The following CCDC112 variants were observed in gnomAD, a reference collection of about 807,000 sequenced individuals.
CCDC112 encodes the protein coiled-coil domain containing 112, also known as coiled-coil domain-containing protein 112.
Under a neutral mutation model 66.3 loss-of-function variants are expected in CCDC112, and 40 were observed. The observed-to-expected ratio is 0.60, with a 90% CI of 0.47 to 0.79. The LOEUF (loss-of-function observed/expected upper bound fraction) is 0.79. Ranked by LOEUF, CCDC112 falls within the 30% of genes least tolerant of loss-of-function variation. The pLI is 0.00. For missense variants in CCDC112, 659 were observed against 603.8 expected, an observed-to-expected ratio of 1.09 and a Z score of -0.96; for synonymous variants, 214 against 197.2, an observed-to-expected ratio of 1.09 and a Z score of -0.71.
At chr5:115,275,736 A>G in intron 5 of CCDC112, 130 bp from the exon 6 acceptor site, 1 of 752,080 alleles carries the variant, frequency 1.3e-6, no homozygotes, top group Non-Finnish European at 2.0e-6. Context: ...TATAAATTTA[A>G]GCCTTAAAAG....
chr5:115,288,271 G>A (rs866100165), intron 1 of CCDC112, among the ~76,000 whole-genome samples: 11 of 152,126 alleles, frequency 7.2e-5, no homozygotes, highest in Middle Eastern at 3.2e-3. Flanking sequence ...GTTAGCCACC[G>A]CACCCAGCCA....
chr5:115,286,812 G>A (rs1346702051), intron 1 of CCDC112, among the ~76,000 whole-genome samples: 2 of 152,030 alleles, frequency 1.3e-5, no homozygotes, highest in African/African-American at 4.8e-5. Flanking sequence ...CACCTCAGGA[G>A]GCTGAGGTGG....
chr5:115,279,737 G>A lies in CCDC112; in HGVS notation c.271C>T (p.His91Tyr), dbSNP rs758298640. 1.3e-6 allele frequency: 2 copies of A among 1,545,254 alleles called. No homozygotes were observed. The highest frequency in any genetic ancestry group is 2.3e-5 in the East Asian group (1 of 44,358). The change falls in exon 3 of 10, where the codon CAT (histidine) becomes TAT (tyrosine). Residue 91 changes from histidine to tyrosine, a missense_variant. Transcript: ENST00000379611. ...AAGTCACTTTTTTGGTTGTAGAAATGACTGTGTTTATCTTTTTCCATGTTA... is the reference window on the plus strand; with the variant it reads ...AAGTCACTTTTTTGGTTGTAGAAATAACTGTGTTTATCTTTTTCCATGTTA... ...VINMEKDKHS[H>Y]FYNQKSDFRI... is the part of the protein sequence containing the mutation.
chr5:115,295,164 A>C (rs1311330820), intron 1 of CCDC112, among the ~76,000 whole-genome samples: 2 of 152,210 alleles, frequency 1.3e-5, no homozygotes, highest in Non-Finnish European at 2.9e-5. Flanking sequence ...GATTGATAAA[A>C]TATCTGAAAG....
chr5:115,269,041 C>G (rs1263876887), intron 8 of CCDC112, 41 bp from the exon 9 acceptor site: 4 of 1,233,510 alleles, frequency 3.2e-6, no homozygotes, highest in Non-Finnish European at 4.6e-6. Context: ...ATTATACAAA[C>G]TCAGTTTGTA....
At chr5:115,269,604 A>C (rs1748913761) in intron 8 of CCDC112, 99 bp downstream of exon 8, 1 of 794,202 alleles carries the variant, frequency 1.3e-6, no homozygotes, top group Non-Finnish European at 2.0e-6. Flanking sequence ...GATGTTATAG[A>C]AATAAGGTGA....
Position 115,269,761 on chromosome 5 carries a change from T to C in CCDC112, c.1370A>G (p.Gln457Arg). The stretch of plus-strand genomic sequence containing the variant: ...TTGTGACTTTTCATCTTCCTTTGCC[T>C]GTCTATCTAGAATTTTCAGTTCAAG... ...HKLELKILDR[Q>R]AKEDEKSQKQ... is the part of the protein sequence containing the mutation. Residue 457 changes from glutamine to arginine, a missense_variant, in exon 8 of 10, where the codon CAG becomes CGG. Gln to Arg is a conservative substitution (Grantham distance 43). Coordinates refer to ENST00000379611, the MANE Select transcript of CCDC112 (RefSeq NM_001040440.3). 8 of 1,597,402 alleles carry C rather than the reference T, an allele frequency of 5.0e-6. No homozygotes were observed. Among genetic ancestry groups the C allele is most frequent in the Non-Finnish European group, 6.8e-6 (8 of 1,174,102 alleles).
At chr5:115,289,124 T>C (rs1749810998) in intron 1 of CCDC112, 1 of 226,906 alleles carries the variant, frequency 4.4e-6, no homozygotes, top group Non-Finnish European at 8.7e-6. Flanking sequence ...TTCTTTAGTT[T>C]ATTGGTTAGC....
At chr5:115,274,878 C>G (rs754933088) in intron 6 of CCDC112, among the ~76,000 whole-genome samples, 4 of 152,154 alleles carry the variant, frequency 2.6e-5, no homozygotes, top group Non-Finnish European at 5.9e-5. Context: ...GTAGCTGGGA[C>G]CACAGGTGCG....
chr5:115,269,817 T>G lies in CCDC112; in HGVS notation c.1333-19A>C. The G allele has an allele frequency of 7.1e-7, 1 of 1,410,128 alleles. No homozygotes were observed. Among genetic ancestry groups the G allele is most frequent in the Non-Finnish European group, 9.6e-7 (1 of 1,040,412 alleles). The allele number at this position is 1,410,128 out of a possible 1,614,324, so 87.4% of individuals were successfully genotyped here. ...GTAAATCCTTAAAAAAAAAAACCCA[T>G]AGCATTAAGAAAGCATGTGAACTAG... On this transcript the variant is annotated intron_variant, in intron 7 of 9. Transcript: ENST00000379611.
Position 115,271,510 on chromosome 5 carries a change from CT to C in CCDC112, c.1034del (p.Lys345SerfsTer23). The C allele has an allele frequency of 1.2e-6, 2 of 1,612,836 alleles. No homozygotes were observed. On this transcript the variant is annotated frameshift_variant, in exon 7 of 10. Transcript: ENST00000379611. LOFTEE classifies it high-confidence loss of function. ...GTTTCTTTCTTTGTTCCTCTTTTTG[CT>C]TTTGATTATCCTCTTGTTTATTATG... ...LFHNKQEDNQKQKEEQRKKQK... is the reference protein window; with the variant it reads ...LFHNKQEDNQXQKEEQRKKQK...
rs1334836500 is a variant in CCDC112 at position 115,275,264 on chromosome 5, A to C, written c.870T>G (p.His290Gln). ...PGKTQDEVQQHEKWYQKFLAL... is the reference protein window; with the variant it reads ...PGKTQDEVQQQEKWYQKFLAL... Reference sequence around the variant, plus strand: ...CCAGAAACTTTTGATACCATTTTTCATGCTGTTGAACTTCATCTTGTGTTT... The same window carrying C: ...CCAGAAACTTTTGATACCATTTTTCCTGCTGTTGAACTTCATCTTGTGTTT... The change falls in exon 6 of 10, where the codon CAT becomes CAG. Residue 290 changes from histidine to glutamine, a missense_variant. Physicochemically the swap from His to Gln is conservative, Grantham distance 24. Transcript: ENST00000379611. 1 of 1,611,594 alleles carries C rather than the reference A, an allele frequency of 6.2e-7. No individual in the cohort carries two copies. The highest frequency in any genetic ancestry group is 1.3e-5 in the African/African-American group (1 of 74,608).
chr5:115,276,985 T>A lies in CCDC112; in HGVS notation c.431A>T (p.Asp144Val), dbSNP rs1173561677. Reference protein sequence around the residue: ...NVKKLQHQLKDVKPTPDFVEK... With the variant: ...NVKKLQHQLKVVKPTPDFVEK... ...CTTACAATCAGGTGTAGGCTTCACA[T>A]CTTTTAATTGATGCTGAAGTTTCTT... is the stretch of plus-strand genomic sequence containing the variant. The change falls in exon 4 of 10, where the codon GAT becomes GTT. Residue 144 changes from aspartate to valine, a missense_variant. Asp to Val is a radical substitution (Grantham distance 152, BLOSUM62 -3). Transcript: ENST00000379611. 6.2e-7 allele frequency: 1 copy of A among 1,605,412 alleles called. No homozygotes were observed. The highest frequency in any genetic ancestry group is 8.5e-7 in the Non-Finnish European group (1 of 1,173,400).
rs776214568 is a variant in CCDC112 at position 115,268,896 on chromosome 5, T to C, written c.1533A>G (p.Leu511=). The change falls in exon 9 of 10, where the codon CTA becomes CTG. Residue 511 remains leucine, a synonymous_variant. Coordinates refer to ENST00000379611, the MANE Select transcript of CCDC112 (RefSeq NM_001040440.3). The stretch of plus-strand genomic sequence containing the variant: ...CTCTTTCTTACCTATGTGGGATATG[T>C]AGAAGTGGCCCAGAGCCTGTTGGTC... ...KIGPTGSGPL[L]HIPHRAIPTW... The C allele has an allele frequency of 8.2e-6, 13 of 1,593,700 alleles. No individual in the cohort carries two copies. Among genetic ancestry groups the C allele is most frequent in the Admixed American group, 1.8e-5 (1 of 57,140 alleles).
chr5:115,279,243 G>A (rs1269681284), intron 3 of CCDC112, among the ~76,000 whole-genome samples: 1 of 152,094 alleles, frequency 6.6e-6, no homozygotes. Context: ...TTATAGCTTT[G>A]AATCTGTTGA....
At chr5:115,283,909 A>G (rs57843859) in intron 2 of CCDC112, among the ~76,000 whole-genome samples, 5,776 of 152,186 alleles carry the variant, frequency 0.038, 363 homozygotes, top group African/African-American at 0.13. Context: ...TCTTTTTAAC[A>G]TTCTTCATAT....
At chr5:115,281,330 A>G (rs1749448022) in intron 2 of CCDC112, among the ~76,000 whole-genome samples, 1 of 152,132 alleles carries the variant, frequency 6.6e-6, no homozygotes, top group African/African-American at 2.4e-5. Flanking sequence ...GACCGCCCAT[A>G]GAGAAAAATT....
At chr5:115,272,772 T>G (rs1749060689) in intron 6 of CCDC112, among the ~76,000 whole-genome samples, 1 of 152,194 alleles carries the variant, frequency 6.6e-6, no homozygotes, top group South Asian at 2.1e-4. Context: ...TTATGGTATG[T>G]ATATATACTA....
rs186778429 is a variant in CCDC112, at chr5:115,274,888, G to A, written c.918+328C>T. Among the ~76,000 whole-genome samples the A allele has an allele frequency of 2.4e-4, 36 of 152,214 alleles. No homozygotes were observed. The East Asian group carries it at 2.9e-3, about 12-fold the overall frequency. On this transcript the variant is annotated intron_variant, in intron 6 of 9. Coordinates refer to ENST00000379611, the MANE Select transcript of CCDC112 (RefSeq NM_001040440.3). ...CCCAAGTAGCTGGGACCACAGGTGC[G>A]TGGCACCATGCCCAGCTAATTTTTC... is the stretch of plus-strand genomic sequence containing the variant.
Sources: allele counts gnomAD v4.1 joint callset (sites outside exome capture counted in the v4.1 genomes callset), GRCh38; gene constraint gnomAD v4.1.1; transcripts MANE v1.5; gene names NCBI Gene and HGNC (gene_info 2026-07-23, HGNC 2026-07-21).